The following GRIA4 variants were observed in gnomAD, a reference collection of about 807,000 sequenced individuals.
The protein encoded by GRIA4 is glutamate ionotropic receptor AMPA type subunit 4, also known as glutamate receptor 4.
A neutral mutation model predicts 104.0 loss-of-function variants in GRIA4; 34 were observed. The ratio of observed to expected loss-of-function variants is 0.33; its 90% CI spans 0.25 to 0.44. The LOEUF is 0.44. GRIA4 is among the 20% of genes least tolerant of loss of function. The pLI, the probability that GRIA4 is intolerant of heterozygous loss-of-function variation, is 1.00. For missense variants in GRIA4, 750 were observed against 1,096.5 expected (o/e 0.68, Z 4.46); for synonymous variants, 386 against 381.9 (o/e 1.01, Z -0.13).
intron 15 of GRIA4, among the ~76,000 whole-genome samples, chr11:105,972,678 A>T (rs1226705187): frequency 2.6e-5 from 4 of 152,148 alleles, no homozygotes; most frequent in Non-Finnish European, 4.4e-5. Flanking sequence ...AAAAATAAAA[A>T]ATGCAGGAAC....
At chr11:105,912,642 C>A (rs1947290143) in intron 10 of GRIA4, 1 of 705,356 alleles carries the variant, frequency 1.4e-6, no homozygotes, top group Non-Finnish European at 1.7e-6. Flanking sequence ...ATACTAGTAT[C>A]TTTTTGTATG....
At chr11:105,660,504 C>A (rs902180848) in intron 3 of GRIA4, among the ~76,000 whole-genome samples, 1 of 151,394 alleles carries the variant, frequency 6.6e-6, no homozygotes, top group African/African-American at 2.4e-5. Flanking sequence ...TGCTTGAACA[C>A]AGAAAATTTA....
At chr11:105,679,936 C>T (rs1479415268) in intron 3 of GRIA4, among the ~76,000 whole-genome samples, 1 of 152,070 alleles carries the variant, frequency 6.6e-6, no homozygotes, top group Non-Finnish European at 1.5e-5. Flanking sequence ...CTCCCCCTGA[C>T]TTTAAACACA....
intron 3 of GRIA4, among the ~76,000 whole-genome samples, chr11:105,627,802 A>G (rs1477163469): frequency 6.6e-6 from 1 of 152,234 alleles, no homozygotes; most frequent in Non-Finnish European, 1.5e-5. Flanking sequence ...TATAATATGC[A>G]TAGAGGCAAT....
intron 4 of GRIA4, among the ~76,000 whole-genome samples, chr11:105,835,984 T>C (rs1033388887): frequency 2.0e-5 from 3 of 152,046 alleles, no homozygotes; most frequent in Non-Finnish European, 4.4e-5. Context: ...AAAAGAAGAT[T>C]TGGAACATCA....
chr11:105,902,763 T>C (rs917127257), intron 7 of GRIA4, among the ~76,000 whole-genome samples: 2 of 152,204 alleles, frequency 1.3e-5, no homozygotes, highest in East Asian at 3.8e-4. Flanking sequence ...AGGTGTTAAT[T>C]ATAAGGAACT....
chr11:105,855,958 C>A (rs1265325195), intron 4 of GRIA4, among the ~76,000 whole-genome samples: 1 of 151,996 alleles, frequency 6.6e-6, no homozygotes, highest in Non-Finnish European at 1.5e-5. Flanking sequence ...GTCAAAAAAA[C>A]CCTAAGAGTT....
chr11:105,746,925 TA>T (rs1291623753), intron 3 of GRIA4, among the ~76,000 whole-genome samples: 1 of 151,982 alleles, frequency 6.6e-6, no homozygotes, highest in African/African-American at 2.4e-5. Context: ...CGAGGATTCG[TA>T]AAGGCTACAG....
At chr11:105,653,139 C>T (rs1434651791) in intron 3 of GRIA4, among the ~76,000 whole-genome samples, 2 of 152,194 alleles carry the variant, frequency 1.3e-5, no homozygotes, top group East Asian at 3.9e-4. Context: ...TCTCGATCTC[C>T]TGACCTTGTG....
intron 9 of GRIA4, among the ~76,000 whole-genome samples, chr11:105,907,852 G>A (rs1947099609): frequency 6.6e-6 from 1 of 152,068 alleles, no homozygotes; most frequent in Admixed American, 6.5e-5. Flanking sequence ...TAAGTAACCT[G>A]CTCAGAGATG....
intron 3 of GRIA4, among the ~76,000 whole-genome samples, chr11:105,654,234 G>A (rs1328089526): frequency 6.6e-6 from 1 of 151,638 alleles, no homozygotes; most frequent in Non-Finnish European, 1.5e-5. Context: ...GTTGGTTAAA[G>A]GCTACAGGAT....
rs1200255447 is a variant in GRIA4 at position 105,981,630 on chromosome 11, C to A, written c.*1891C>A. On this transcript the variant is annotated 3_prime_UTR_variant, in exon 17 of 17. Transcript: ENST00000282499. ...AAATTCCAAGCTCTTGAGAAGATCA[C>A]ATGAGCCCCTTCATGACCTGGCGCT... is the stretch of plus-strand genomic sequence containing the variant. 6.7e-6 allele frequency: 1 copy of A among 150,296 alleles called. No homozygotes were observed. The highest frequency in any genetic ancestry group is 2.0e-4 in the East Asian group (1 of 5,084). 9.3% of individuals were successfully genotyped at this position (150,296 alleles called of 1,614,324 possible).
chr11:105,902,465 C>T (rs1429076543), intron 7 of GRIA4, among the ~76,000 whole-genome samples: 2 of 151,926 alleles, frequency 1.3e-5, no homozygotes, highest in African/African-American at 4.8e-5. Flanking sequence ...TTCCAAGTAG[C>T]TGGGACTATA....
intron 3 of GRIA4, among the ~76,000 whole-genome samples, chr11:105,620,950 G>A (rs1462595783): frequency 1.3e-5 from 2 of 151,664 alleles, no homozygotes; most frequent in African/African-American, 4.8e-5. Flanking sequence ...ATAGGGTGAT[G>A]ACTGTCCTAA....
At chr11:105,701,643 C>T (rs1381293549) in intron 3 of GRIA4, among the ~76,000 whole-genome samples, 2 of 152,110 alleles carry the variant, frequency 1.3e-5, no homozygotes. Context: ...ACAATTCTAA[C>T]CTCCTTAAAT....
intron 4 of GRIA4, among the ~76,000 whole-genome samples, chr11:105,772,974 T>C (rs1195189307): frequency 6.6e-6 from 1 of 152,056 alleles, no homozygotes; most frequent in Non-Finnish European, 1.5e-5. Context: ...GGGAAACATC[T>C]CAAGTCTAAA....
At chr11:105,755,508 G>C (rs1432513206) in intron 4 of GRIA4, among the ~76,000 whole-genome samples, 1 of 152,122 alleles carries the variant, frequency 6.6e-6, no homozygotes, top group Non-Finnish European at 1.5e-5. Flanking sequence ...GTAATGAGTA[G>C]CTAAGCAACA....
At position 105,980,738 on chromosome 11, in the gene GRIA4, A is replaced by G. The variant is rs1045525737; in HGVS notation, c.*999A>G. 1.3e-5 allele frequency: 2 copies of G among 152,644 alleles called. No individual in the cohort carries two copies. The highest frequency in any genetic ancestry group is 2.9e-5 in the Non-Finnish European group (2 of 68,038). The allele number at this position is 152,644 out of a possible 1,614,324, so 9.5% of individuals were successfully genotyped here. On this transcript the variant is annotated 3_prime_UTR_variant, in exon 17 of 17. Coordinates refer to ENST00000282499, the MANE Select transcript of GRIA4 (RefSeq NM_000829.4). ...CTACAGAGCTTAAAAGTTTTTTCTTATCGTTATAAAAGTTATTTGAGAAAT... is the reference window on the plus strand; with the variant it reads ...CTACAGAGCTTAAAAGTTTTTTCTTGTCGTTATAAAAGTTATTTGAGAAAT...
intron 3 of GRIA4, among the ~76,000 whole-genome samples, chr11:105,624,018 T>A (rs73632922): frequency 1.4e-4 from 22 of 152,110 alleles, no homozygotes; most frequent in African/African-American, 5.3e-4. Flanking sequence ...ACACTTTTCC[T>A]GTGTTATATT....
Sources: allele counts gnomAD v4.1 joint callset (sites outside exome capture counted in the v4.1 genomes callset), GRCh38; gene constraint gnomAD v4.1.1; transcripts MANE v1.5; gene names NCBI Gene and HGNC (gene_info 2026-07-23, HGNC 2026-07-21).